Variants in VCL observed in about 807,000 individuals in gnomAD.
The protein encoded by VCL is vinculin.
In VCL, 47 loss-of-function variants were observed where a neutral mutation model predicts 125.7. The ratio of observed to expected loss-of-function variants is 0.37; its 90% CI spans 0.30 to 0.48. The LOEUF (loss-of-function observed/expected upper bound fraction) is 0.48, where lower values mean the gene tolerates loss of function less well. Among genes scored for constraint, VCL ranks in the 20% least tolerant of loss-of-function variants. The probability of loss-of-function intolerance (pLI) is 0.99; values close to 1 mark genes in which losing one functional copy is unlikely to be tolerated. For synonymous variants in VCL, 458 were observed against 514.6 expected, an observed-to-expected ratio of 0.89 and a Z score of 1.49; for missense variants, 1,069 against 1,455.5, an observed-to-expected ratio of 0.73 and a Z score of 4.32.
rs780046331 is a variant in VCL, at chr10:74,114,164, G to GT, written c.2950-19dup. 6.8e-6 allele frequency: 11 copies of GT among 1,612,204 alleles called. No homozygotes were observed. The South Asian group carries it at 9.9e-5, about 15-fold the overall frequency. Reference sequence around the variant, plus strand: ...CCAGAGCGTGGGCAGAGCTCACACTGTATCTTTGCTTCCCTCTAGGGCAAT... The same window carrying GT: ...CCAGAGCGTGGGCAGAGCTCACACTGTTATCTTTGCTTCCCTCTAGGGCAAT... On this transcript the variant is annotated intron_variant, in intron 19 of 21. Transcript: ENST00000211998.
At position 74,089,362 on chromosome 10, in the gene VCL, A is replaced by G. The variant is rs758133739; in HGVS notation, c.1176+13A>G. On this transcript the variant is annotated intron_variant, in intron 9 of 21. Transcript: ENST00000211998. ...CGATGCTGCTCAGGTAGTCACAGTGATTTTCAGGAGGGGTGGGAAATATTT... is the reference window on the plus strand; with the variant it reads ...CGATGCTGCTCAGGTAGTCACAGTGGTTTTCAGGAGGGGTGGGAAATATTT... 74 of 1,612,522 alleles carry G rather than the reference A, an allele frequency of 4.6e-5. No homozygotes were observed. Among genetic ancestry groups the G allele is most frequent in the Non-Finnish European group, 5.9e-5 (70 of 1,179,202 alleles).
chr10:74,045,798 C>T (rs1235722556), intron 2 of VCL, among the ~76,000 whole-genome samples: 1 of 151,944 alleles, frequency 6.6e-6, no homozygotes, highest in African/African-American at 2.4e-5. Context: ...TACACAGGGG[C>T]ATCTAAAAGT....
chr10:74,032,205 A>G (rs1050380660), intron 1 of VCL, among the ~76,000 whole-genome samples: 5 of 146,180 alleles, frequency 3.4e-5, no homozygotes, highest in Admixed American at 7.0e-5. Context: ...ATGCCACTGC[A>G]CTCTAGTCTG....
chr10:74,071,102 C>T lies in VCL; in HGVS notation c.499+19C>T, dbSNP rs772311346. On this transcript the variant is annotated intron_variant, in intron 4 of 21. Transcript: ENST00000211998. The surrounding 1 kb of genome is among the most constrained non-coding windows in gnomAD (Gnocchi z 4.1). The stretch of plus-strand genomic sequence containing the variant: ...GGGCCAGGTTAGTTTTATCCAATTT[C>T]TATAACATTTTTTAAGGATTGTCCA... 6.2e-6 allele frequency: 10 copies of T among 1,609,284 alleles called. No individual in the cohort carries two copies. Among genetic ancestry groups the T allele is most frequent in the Non-Finnish European group, 7.7e-6 (9 of 1,175,712 alleles).
At chr10:74,032,239 A>AT (rs1455008747) in intron 1 of VCL, among the ~76,000 whole-genome samples, 2 of 139,726 alleles carry the variant, frequency 1.4e-5, no homozygotes, top group Non-Finnish European at 3.1e-5. Flanking sequence ...CTGTTTCAGA[A>AT]TAAAAAAAAA....
At chr10:74,112,156 C>G in intron 19 of VCL, 44 bp downstream of exon 19, 1 of 1,609,476 alleles carries the variant, frequency 6.2e-7, no homozygotes, top group Non-Finnish European at 8.5e-7. Context: ...CATATGCATC[C>G]GGCCATGTGC....
intron 1 of VCL, among the ~76,000 whole-genome samples, chr10:74,011,484 G>C (rs1024550250): frequency 2.0e-5 from 3 of 152,096 alleles, no homozygotes; most frequent in Non-Finnish European, 2.9e-5. Context: ...CAAGGAGTGG[G>C]TTTTATTCTT....
Position 73,998,324 on chromosome 10 carries a change from C to T in VCL, c.117C>T (p.Asp39=). ...AGGTGGACGGCAAAGCCATTCCTGA[C>T]CTCACCGCGCCCGTGGCCGCCGTGC... ...EGEVDGKAIP[D]LTAPVAAVQA... Residue 39 remains aspartate, a synonymous_variant, in exon 1 of 22, where the codon GAC becomes GAT. Coordinates refer to ENST00000211998, the MANE Select transcript of VCL (RefSeq NM_014000.3). The T allele has an allele frequency of 6.4e-7, 1 of 1,570,346 alleles. No homozygotes were observed. Among genetic ancestry groups the T allele is most frequent in the Non-Finnish European group, 8.6e-7 (1 of 1,157,484 alleles).
chr10:74,031,230 C>T (rs1005273162), intron 1 of VCL, among the ~76,000 whole-genome samples: 6 of 152,154 alleles, frequency 3.9e-5, no homozygotes, highest in Non-Finnish European at 8.8e-5. Context: ...TCACCATCTC[C>T]ACTTGCTTCC....
At chr10:74,054,297 A>G (rs548725542) in intron 2 of VCL, among the ~76,000 whole-genome samples, 7 of 152,190 alleles carry the variant, frequency 4.6e-5, no homozygotes, top group Non-Finnish European at 1.0e-4. Context: ...AGCTCTACAT[A>G]TTTCAAAGCA....
At chr10:74,031,880 C>T (rs1036422299) in intron 1 of VCL, among the ~76,000 whole-genome samples, 25 of 151,890 alleles carry the variant, frequency 1.6e-4, no homozygotes, top group African/African-American at 5.6e-4. Flanking sequence ...GCCTGACCAA[C>T]GTGGAGAAAC....
intron 1 of VCL, among the ~76,000 whole-genome samples, chr10:74,019,387 A>G (rs1394068304): frequency 6.6e-6 from 1 of 152,096 alleles, no homozygotes; most frequent in African/African-American, 2.4e-5. Context: ...TATTTGTCCT[A>G]ATGCTCTCCC....
chr10:74,068,778 A>G (rs1841615646), intron 2 of VCL, among the ~76,000 whole-genome samples: 4 of 152,328 alleles, frequency 2.6e-5, no homozygotes, highest in Admixed American at 2.0e-4. Context: ...TTACATACAG[A>G]GGAAATACAA....
chr10:74,018,156 A>G (rs984317155), intron 1 of VCL, among the ~76,000 whole-genome samples: 6 of 126,146 alleles, frequency 4.8e-5, no homozygotes, highest in Non-Finnish European at 1.0e-4. Context: ...AAAATCTGGT[A>G]AAATGTGAGG....
chr10:74,019,624 C>T (rs1239622644), intron 1 of VCL, among the ~76,000 whole-genome samples: 1 of 152,054 alleles, frequency 6.6e-6, no homozygotes, highest in African/African-American at 2.4e-5. Flanking sequence ...AGAAAAGACA[C>T]ATCTGCAGCA....
rs554803871 is a variant in VCL, at chr10:74,009,289, C to T, written c.168+10914C>T. On this transcript the variant is annotated intron_variant, in intron 1 of 21. Transcript: ENST00000211998. ...TTTATTTTTTTTTGAGACGGAGTCT[C>T]GCTCTATTGCCCAGGCTGGAGTGCA... Among the ~76,000 whole-genome samples, 13 of 130,830 alleles carry T rather than the reference C, an allele frequency of 9.9e-5. No homozygotes were observed. The East Asian group carries it at 1.3e-3, about 13-fold the overall frequency. 85.8% of individuals were successfully genotyped at this position (130,830 alleles called of 152,430 possible).
At chr10:74,037,229 C>T (rs1165126609) in intron 1 of VCL, among the ~76,000 whole-genome samples, 2 of 152,126 alleles carry the variant, frequency 1.3e-5, no homozygotes, top group Non-Finnish European at 2.9e-5. Flanking sequence ...GACTGTTCTA[C>T]TCTATTTTTA....
chr10:74,069,423 C>G (rs1591685974), intron 2 of VCL, among the ~76,000 whole-genome samples: 2 of 152,166 alleles, frequency 1.3e-5, no homozygotes, highest in African/African-American at 2.4e-5. Flanking sequence ...CTTTTTACAT[C>G]TTTATATACA....
chr10:74,036,507 G>GT (rs886381641), intron 1 of VCL, among the ~76,000 whole-genome samples: 7 of 151,136 alleles, frequency 4.6e-5, no homozygotes, highest in East Asian at 1.9e-4. Context: ...CAGCCACTCT[G>GT]TTTTTTTTTA....
Sources: allele counts gnomAD v4.1 joint callset (sites outside exome capture counted in the v4.1 genomes callset), GRCh38; gene constraint gnomAD v4.1.1; non-coding constraint Gnocchi (gnomAD v3.1); transcripts MANE v1.5; gene names NCBI Gene and HGNC (gene_info 2026-07-23, HGNC 2026-07-21).